The following DPP6 variants were observed in gnomAD, a reference collection of about 807,000 sequenced individuals.
DPP6 encodes A-type potassium channel modulatory protein DPP6.
A neutral mutation model predicts 122.6 loss-of-function variants in DPP6; 69 were observed. The observed-to-expected ratio is 0.56, with a 90% CI of 0.46 to 0.69. The LOEUF is 0.69. Ranked by LOEUF, DPP6 falls within the 30% of genes least tolerant of loss-of-function variation. The pLI is 0.00. For synonymous variants in DPP6, 418 were observed against 433.1 expected (o/e 0.97, Z 0.43); for missense variants, 928 against 1,116.9 (o/e 0.83, Z 2.41).
chr7:154,776,739 A>T (rs1252293616), intron 10 of DPP6, among the ~76,000 whole-genome samples: 1 of 152,184 alleles, frequency 6.6e-6, no homozygotes, highest in Non-Finnish European at 1.5e-5. Flanking sequence ...TAAGAACCAA[A>T]ACTTACTTGC....
At chr7:154,372,226 C>T (rs921713475) in intron 1 of DPP6, among the ~76,000 whole-genome samples, 14 of 152,238 alleles carry the variant, frequency 9.2e-5, no homozygotes, top group East Asian at 3.9e-4. Context: ...GGCTGGTGCT[C>T]GCTAATCATG....
chr7:154,287,241 A>G (rs73491224), intron 1 of DPP6, among the ~76,000 whole-genome samples: 7,579 of 152,300 alleles, frequency 0.05, 295 homozygotes, highest in African/African-American at 0.11. Context: ...TGCTTAGTTA[A>G]TGCCAGGGTT....
At position 153,965,806 on chromosome 7, in the gene DPP6, C is replaced by A. The variant is rs529747403; in HGVS notation, c.51+78072C>A. On this transcript the variant is annotated intron_variant, in intron 1 of 25. Transcript: ENST00000404039. Reference sequence around the variant, plus strand: ...GAGATCTCCCATGCACCATTTCCATCATATTTTTGTTACTCTGAGTGGTAA... The same window carrying A: ...GAGATCTCCCATGCACCATTTCCATAATATTTTTGTTACTCTGAGTGGTAA... 3.2e-3 allele frequency among the ~76,000 whole-genome samples: 493 copies of A among 152,136 alleles called. 1 individual carries two copies. The highest frequency in any genetic ancestry group is 6.0e-3 in the Non-Finnish European group (406 of 68,006).
intron 1 of DPP6, among the ~76,000 whole-genome samples, chr7:154,061,469 C>A (rs374846983): frequency 6.8e-6 from 1 of 146,756 alleles, no homozygotes; most frequent in Non-Finnish European, 1.5e-5. Context: ...GATGGCCCCC[C>A]TATTAGAGGG....
intron 3 of DPP6, among the ~76,000 whole-genome samples, chr7:154,480,697 T>C (rs1388584351): frequency 6.6e-6 from 1 of 152,192 alleles, no homozygotes; most frequent in Non-Finnish European, 1.5e-5. Context: ...CCTAAACATA[T>C]GTCATCAGAC....
At chr7:154,391,329 C>T (rs1814598572) in intron 1 of DPP6, among the ~76,000 whole-genome samples, 3 of 148,988 alleles carry the variant, frequency 2.0e-5, no homozygotes, top group African/African-American at 7.3e-5. Context: ...TGTACCTCCT[C>T]CATCCCCAGT....
intron 8 of DPP6, among the ~76,000 whole-genome samples, chr7:154,751,972 G>C (rs907903195): frequency 5.9e-5 from 9 of 152,190 alleles, no homozygotes; most frequent in Non-Finnish European, 1.0e-4. Context: ...CTTGGGTCTT[G>C]TGCAGGAAGG....
chr7:154,647,129 A>G (rs1024925438), intron 6 of DPP6, among the ~76,000 whole-genome samples: 1 of 152,190 alleles, frequency 6.6e-6, no homozygotes, highest in African/African-American at 2.4e-5. Context: ...AAATGAATTA[A>G]GGAACTAAGC....
At chr7:154,694,283 G>A (rs1840090769) in intron 7 of DPP6, among the ~76,000 whole-genome samples, 1 of 152,140 alleles carries the variant, frequency 6.6e-6, no homozygotes, top group Non-Finnish European at 1.5e-5. Flanking sequence ...TGGAACTTGG[G>A]GAGGACACGA....
At chr7:154,331,216 C>T (rs184655192) in intron 1 of DPP6, among the ~76,000 whole-genome samples, 10 of 152,180 alleles carry the variant, frequency 6.6e-5, no homozygotes, top group Admixed American at 1.3e-4. Context: ...GCCAGAGAGA[C>T]GACATTGGCA....
At chr7:154,244,617 T>C (rs562342912) in intron 1 of DPP6, among the ~76,000 whole-genome samples, 1 of 152,282 alleles carries the variant, frequency 6.6e-6, no homozygotes, top group Admixed American at 6.5e-5. Flanking sequence ...TGTAAATTGA[T>C]ATAATATTGA....
Position 154,029,340 on chromosome 7 carries a change from C to T in DPP6, c.51+141606C>T, listed in dbSNP as rs1262776203. Among the ~76,000 whole-genome samples the T allele has an allele frequency of 1.3e-4, 19 of 149,410 alleles. 2 individuals carry two copies. Among genetic ancestry groups the T allele is most frequent in the African/African-American group, 4.5e-4 (18 of 40,448 alleles). ...GACCATCCTGGCTAACATGGTGAAA[C>T]CCCGTCTCTACTAAAAATACAAAAA... On this transcript the variant is annotated intron_variant, in intron 1 of 25. Transcript: ENST00000404039.
intron 7 of DPP6, among the ~76,000 whole-genome samples, chr7:154,717,405 C>T (rs749276142): frequency 1.4e-4 from 22 of 152,002 alleles, no homozygotes; most frequent in Non-Finnish European, 2.9e-4. Context: ...CACACACGCA[C>T]CCTTCCCAGC....
the DPP6 span, among the ~76,000 whole-genome samples, chr7:153,837,398 C>T: frequency 6.6e-6 from 1 of 152,204 alleles, no homozygotes; most frequent in Non-Finnish European, 1.5e-5. Context: ...TTGCCTCAAG[C>T]TTTAGTTAAA....
intron 8 of DPP6, among the ~76,000 whole-genome samples, chr7:154,758,972 T>C (rs1795333484): frequency 6.6e-6 from 1 of 152,206 alleles, no homozygotes. Context: ...TCTATGGATT[T>C]TCCTCTCAAA....
chr7:154,361,539 G>A (rs969890944), intron 1 of DPP6, among the ~76,000 whole-genome samples: 3 of 147,966 alleles, frequency 2.0e-5, no homozygotes, highest in Non-Finnish European at 3.0e-5. Flanking sequence ...GCTTTCTGTT[G>A]GTTAGAAAAA....
At chr7:154,765,196 C>T (rs1277593463) in intron 8 of DPP6, among the ~76,000 whole-genome samples, 1 of 152,208 alleles carries the variant, frequency 6.6e-6, no homozygotes, top group Non-Finnish European at 1.5e-5. Flanking sequence ...GATTTCCTCT[C>T]TTCTAGCTAG....
the DPP6 span, among the ~76,000 whole-genome samples, chr7:153,836,931 G>A: frequency 6.6e-6 from 1 of 152,154 alleles, no homozygotes; most frequent in East Asian, 1.9e-4. Context: ...CTATCTTGTG[G>A]CTCATAAGAG....
intron 2 of DPP6, among the ~76,000 whole-genome samples, chr7:154,454,001 AT>A (rs776161590): frequency 7.9e-5 from 12 of 151,520 alleles, no homozygotes; most frequent in African/African-American, 2.2e-4. Flanking sequence ...ATACCTCCTA[AT>A]TTTTTTTTGT....
Sources: gnomAD v4.1 joint callset for allele counts (sites outside exome capture counted in the v4.1 genomes callset) on GRCh38, gnomAD v4.1.1 for gene constraint, MANE v1.5 for transcripts, NCBI Gene and HGNC (gene_info 2026-07-23, HGNC 2026-07-21) for gene names.